The following ZFHX3 variants were observed in gnomAD, a reference collection of about 807,000 sequenced individuals.
ZFHX3 encodes zinc finger homeobox protein 3.
ZFHX3 carries 42 observed loss-of-function variants against 279.1 expected under a neutral mutation model. The observed-to-expected ratio is 0.15, with a 90% CI of 0.12 to 0.19. ZFHX3 has a LOEUF of 0.19. ZFHX3 is among the 10% of genes least tolerant of loss of function. ZFHX3 has a pLI of 1.00. For missense variants in ZFHX3, 4,981 were observed against 4,754.0 expected, an observed-to-expected ratio of 1.05 and a Z score of -1.40; for synonymous variants, 2,293 against 1,957.8, an observed-to-expected ratio of 1.17 and a Z score of -4.52.
Position 73,480,164 on chromosome 16 carries a change from A to AT in ZFHX3, c.-1546-23907dup, listed in dbSNP as rs367636601. Among the ~76,000 whole-genome samples, 396 of 142,050 alleles carry AT rather than the reference A, an allele frequency of 2.8e-3. 2 individuals are homozygous for AT. The highest frequency in any genetic ancestry group is 6.1e-3 in the African/African-American group (235 of 38,822). 93.2% of individuals were successfully genotyped at this position (142,050 alleles called of 152,430 possible). The stretch of plus-strand genomic sequence containing the variant: ...CTGGCTTCAGATATCTAAAGCAGCT[A>AT]TTTTTTTTTTTTCCTTCAGCATTTG... On this transcript the variant is annotated intron_variant, in intron 2 of 17. Transcript: ENST00000641206.
chr16:73,406,289 T>C (rs2017359200), intron 3 of ZFHX3, among the ~76,000 whole-genome samples: 1 of 152,224 alleles, frequency 6.6e-6, no homozygotes. Flanking sequence ...TCCTATCCTT[T>C]GTAAATGATG....
intron 3 of ZFHX3, among the ~76,000 whole-genome samples, chr16:73,396,938 G>A (rs867065158): frequency 3.9e-5 from 6 of 152,186 alleles, no homozygotes; most frequent in African/African-American, 9.6e-5. Flanking sequence ...CCTAAGTGAC[G>A]CCAACTACTT....
rs547177998 is a variant in ZFHX3, at chr16:73,600,217, AT to A, written c.-1547+79962del. On this transcript the variant is annotated intron_variant, in intron 2 of 17. Coordinates refer to the ZFHX3 transcript ENST00000641206. ...TAAAGGCCAGAGAGAAGGATCCAGAATGGACTGTTTCTAAAGAAGCAGCATC... is the reference window on the plus strand; with the variant it reads ...TAAAGGCCAGAGAGAAGGATCCAGAAGGACTGTTTCTAAAGAAGCAGCATC... Among the ~76,000 whole-genome samples the A allele has an allele frequency of 1.4e-4, 22 of 152,288 alleles. No homozygotes were observed. In the South Asian group the frequency reaches 4.1e-3, roughly 29 times the overall value.
chr16:73,194,301 G>A (rs1317512172), intron 5 of ZFHX3, among the ~76,000 whole-genome samples: 1 of 152,104 alleles, frequency 6.6e-6, no homozygotes, highest in Non-Finnish European at 1.5e-5. Context: ...CCAGGCTCAA[G>A]CAATCCTCCC....
chr16:73,299,185 A>T (rs1169702004), intron 4 of ZFHX3, among the ~76,000 whole-genome samples: 1 of 152,214 alleles, frequency 6.6e-6, no homozygotes. Flanking sequence ...AGTACAATCT[A>T]TACATTTGAA....
chr16:72,978,586 A>T (rs1962454915), intron 1 of ZFHX3, among the ~76,000 whole-genome samples: 2 of 152,196 alleles, frequency 1.3e-5, no homozygotes, highest in Non-Finnish European at 2.9e-5. Flanking sequence ...CCAGAAAAAT[A>T]AAAGACCAGC....
intron 8 of ZFHX3, among the ~76,000 whole-genome samples, chr16:73,074,629 A>G (rs895143654): frequency 1.3e-5 from 2 of 151,964 alleles, no homozygotes; most frequent in African/African-American, 4.8e-5. Flanking sequence ...GACGACACTA[A>G]ACTGCAGATG....
At chr16:73,670,076 C>A (rs2052887238) in intron 2 of ZFHX3, among the ~76,000 whole-genome samples, 1 of 152,160 alleles carries the variant, frequency 6.6e-6, no homozygotes, top group Admixed American at 6.5e-5. Flanking sequence ...AATCTTCATG[C>A]TTCAGGGCAT....
chr16:72,916,179 C>A (rs376066302), intron 3 of ZFHX3, among the ~76,000 whole-genome samples: 25 of 152,312 alleles, frequency 1.6e-4, no homozygotes, highest in African/African-American at 5.1e-4. Flanking sequence ...CACTTCCCCC[C>A]CCTCCTCCGC....
At chr16:72,865,764 C>T (rs1384818951) in intron 4 of ZFHX3, among the ~76,000 whole-genome samples, 2 of 152,166 alleles carry the variant, frequency 1.3e-5, no homozygotes, top group Non-Finnish European at 2.9e-5. Context: ...AATTCTGCTG[C>T]TGACCAAGGC....
At chr16:73,663,717 G>A (rs2052808046) in intron 2 of ZFHX3, among the ~76,000 whole-genome samples, 1 of 152,172 alleles carries the variant, frequency 6.6e-6, no homozygotes, top group Admixed American at 6.5e-5. Flanking sequence ...AATGCATCTG[G>A]GGAAGCGTAA....
intron 7 of ZFHX3, among the ~76,000 whole-genome samples, chr16:73,103,101 T>C (rs1462527673): frequency 6.6e-6 from 1 of 152,214 alleles, no homozygotes; most frequent in Non-Finnish European, 1.5e-5. Flanking sequence ...ATTTTTGTAT[T>C]TTTGGTAGAC....
intron 2 of ZFHX3, among the ~76,000 whole-genome samples, chr16:73,549,713 G>A (rs115520834): frequency 2.6e-5 from 4 of 152,086 alleles, no homozygotes; most frequent in Non-Finnish European, 4.4e-5. Flanking sequence ...AAAATGCCCC[G>A]GGTCTCCTTA....
intron 5 of ZFHX3, among the ~76,000 whole-genome samples, chr16:73,231,827 T>C (rs1361034562): frequency 6.6e-6 from 1 of 152,214 alleles, no homozygotes; most frequent in Non-Finnish European, 1.5e-5. Context: ...TGGAGCTCTC[T>C]ACATAGGCTC....
intron 3 of ZFHX3, among the ~76,000 whole-genome samples, chr16:73,345,869 C>G (rs2016114475): frequency 6.6e-6 from 1 of 152,102 alleles, no homozygotes. Context: ...CAGCCCAGGG[C>G]CCTGCTTCCC....
intron 1 of ZFHX3, among the ~76,000 whole-genome samples, chr16:73,816,401 C>A (rs1567419838): frequency 6.6e-6 from 1 of 152,062 alleles, no homozygotes; most frequent in Non-Finnish European, 1.5e-5. Context: ...ACTAGACCCC[C>A]CAGCCAAGTC....
chr16:73,544,343 G>T (rs1207082076), intron 2 of ZFHX3, among the ~76,000 whole-genome samples: 1 of 152,160 alleles, frequency 6.6e-6, no homozygotes, highest in African/African-American at 2.4e-5. Context: ...AAGGAGGGGG[G>T]CCCTCCCCGC....
intron 1 of ZFHX3, among the ~76,000 whole-genome samples, chr16:73,706,666 G>A (rs1443960979): frequency 6.6e-6 from 1 of 151,976 alleles, no homozygotes; most frequent in East Asian, 1.9e-4. Context: ...AAACTTGCTG[G>A]TCCCATAACA....
chr16:73,388,722 A>AG (rs1251872090), intron 3 of ZFHX3: 2 of 152,214 alleles, frequency 1.3e-5, no homozygotes, highest in Non-Finnish European at 2.9e-5. Context: ...CCCTATTAGA[A>AG]GGCCTCTGTG....
Sources: gnomAD v4.1 joint callset for allele counts (sites outside exome capture counted in the v4.1 genomes callset) on GRCh38, gnomAD v4.1.1 for gene constraint, MANE v1.5 for transcripts, NCBI Gene and HGNC (gene_info 2026-07-23, HGNC 2026-07-21) for gene names.